Variants in NNMT observed in about 807,000 individuals in gnomAD.
NNMT encodes nicotinamide N-methyltransferase.
Under a neutral mutation model 11.7 loss-of-function variants are expected in NNMT, and 10 were observed. The ratio of observed to expected loss-of-function variants is 0.85; its 90% confidence interval spans 0.53 to 1.45. NNMT has a LOEUF of 1.45. Ranked by LOEUF, NNMT falls within the 40% of genes most tolerant of loss-of-function variation. The pLI, the probability that NNMT is intolerant of heterozygous loss-of-function variation, is 0.00. For missense variants in NNMT, 381 were observed against 319.4 expected (o/e 1.19, Z -1.47); for synonymous variants, 143 against 133.8 (o/e 1.07, Z -0.48).
chr11:114,294,856 C>T (rs1945360948), upstream of NNMT, among the ~76,000 whole-genome samples: 1 of 152,130 alleles, frequency 6.6e-6, no homozygotes, highest in South Asian at 2.1e-4. Context: ...CACAATGTTA[C>T]TGACCATGGG....
intron 2 of NNMT, among the ~76,000 whole-genome samples, chr11:114,271,277 C>A (rs1945167693): frequency 6.6e-6 from 1 of 152,078 alleles, no homozygotes; most frequent in Non-Finnish European, 1.5e-5. Flanking sequence ...GATGTTGCAA[C>A]CTTTTAAAAT....
chr11:114,263,371 C>A (rs763563300), intron 2 of NNMT, among the ~76,000 whole-genome samples: 5 of 152,140 alleles, frequency 3.3e-5, no homozygotes, highest in African/African-American at 9.7e-5. Flanking sequence ...TGATTATAAC[C>A]TTTACCTTCC....
At chr11:114,306,424 A>G (rs890032453) in intron 2 of NNMT, among the ~76,000 whole-genome samples, 1 of 152,204 alleles carries the variant, frequency 6.6e-6, no homozygotes, top group Non-Finnish European at 1.5e-5. Flanking sequence ...GTCCTTGCCC[A>G]TGCCTATGGC....
intron 2 of NNMT, among the ~76,000 whole-genome samples, chr11:114,284,702 T>TCC (rs1443144692): frequency 2.0e-5 from 3 of 151,410 alleles, no homozygotes; most frequent in Admixed American, 6.6e-5. Context: ...GACCTTGTGA[T>TCC]ATGCCCACCT....
In NNMT at chr11:114,298,148, G is replaced by A. The variant is rs771984335; in HGVS notation, c.352G>A (p.Glu118Lys). The change falls in exon 2 of 3, where the codon GAA (glutamate) becomes AAA (lysine). Residue 118 changes from glutamate (E) to lysine (K), a missense_variant. By Grantham distance (56) the Glu-to-Lys change is moderately conservative (BLOSUM62 1). Coordinates refer to ENST00000299964, the MANE Select transcript of NNMT (RefSeq NM_006169.3). ...AGTGGTGACCTATGTGTGTGATCTT[G>A]AAGGGAACAGGTAGAGAAACTGGTG... The part of the protein sequence containing the change: ...SPVVTYVCDL[E>K]GNRVKGPEKE... 3 of 1,614,152 alleles carry A rather than the reference G, an allele frequency of 1.9e-6. No individual in the cohort carries two copies. The Admixed American group carries it at 5.0e-5, about 27-fold the overall frequency.
chr11:114,306,177 C>A, intron 2 of NNMT, among the ~76,000 whole-genome samples: 1 of 152,136 alleles, frequency 6.6e-6, no homozygotes, highest in Non-Finnish European at 1.5e-5. Flanking sequence ...ATATCCTTTG[C>A]CCACTTTTTG....
At chr11:114,278,973 C>T (rs1428648848) in intron 2 of NNMT, among the ~76,000 whole-genome samples, 2 of 152,186 alleles carry the variant, frequency 1.3e-5, no homozygotes, top group Non-Finnish European at 2.9e-5. Context: ...ACTGGGTTGC[C>T]TGGTGCTCCC....
chr11:114,278,402 A>G (rs1945231604), intron 2 of NNMT, among the ~76,000 whole-genome samples: 1 of 152,218 alleles, frequency 6.6e-6, no homozygotes, highest in African/African-American at 2.4e-5. Flanking sequence ...TTACATTTCA[A>G]CATGAGATTT....
chr11:114,309,553 C>T (rs1229778053), intron 2 of NNMT, among the ~76,000 whole-genome samples: 3 of 150,842 alleles, frequency 2.0e-5, no homozygotes, highest in African/African-American at 4.9e-5. Flanking sequence ...GTAGGAATTC[C>T]CCCAAATCAA....
chr11:114,272,199 G>A (rs1339588437), intron 2 of NNMT, among the ~76,000 whole-genome samples: 1 of 152,142 alleles, frequency 6.6e-6, no homozygotes, highest in Non-Finnish European at 1.5e-5. Context: ...CACAGCACCT[G>A]ACATCTTTTG....
upstream of NNMT, among the ~76,000 whole-genome samples, chr11:114,294,477 CA>C (rs60331768): frequency 2.8e-4 from 34 of 123,390 alleles, no homozygotes; most frequent in Admixed American, 4.3e-4. Context: ...GACTCCACAT[CA>C]AAAAAAAAAA....
upstream of NNMT, among the ~76,000 whole-genome samples, chr11:114,293,136 C>T (rs986517631): frequency 2.0e-5 from 3 of 152,192 alleles, no homozygotes; most frequent in Admixed American, 6.5e-5. Context: ...TGCTCCATTA[C>T]TAGGGCAGTC....
At chr11:114,285,837 C>T (rs1177650893) in intron 2 of NNMT, among the ~76,000 whole-genome samples, 1 of 152,120 alleles carries the variant, frequency 6.6e-6, no homozygotes, top group Non-Finnish European at 1.5e-5. Flanking sequence ...CTGTGGCGTA[C>T]CCAGGGGTAC....
At chr11:114,264,194 CA>C (rs1334089405) in intron 2 of NNMT, among the ~76,000 whole-genome samples, 1 of 151,970 alleles carries the variant, frequency 6.6e-6, no homozygotes, top group Non-Finnish European at 1.5e-5. Context: ...GAACACCTCC[CA>C]TTTTAGCAAA....
chr11:114,277,304 A>G (rs910788426), intron 2 of NNMT, among the ~76,000 whole-genome samples: 1 of 152,208 alleles, frequency 6.6e-6, no homozygotes, highest in Non-Finnish European at 1.5e-5. Context: ...GGTTATCGTA[A>G]GACCCCAAAG....
upstream of NNMT, among the ~76,000 whole-genome samples, chr11:114,291,492 T>C (rs1180010825): frequency 6.6e-6 from 1 of 152,182 alleles, no homozygotes; most frequent in African/African-American, 2.4e-5. Context: ...TACCATGTCC[T>C]GTTTTTTTGT....
At chr11:114,310,747 C>G (rs953443735) in intron 2 of NNMT, among the ~76,000 whole-genome samples, 3 of 152,226 alleles carry the variant, frequency 2.0e-5, no homozygotes, top group Non-Finnish European at 2.9e-5. Context: ...GTGCAATACC[C>G]AGGGGTCACT....
chr11:114,265,006 A>G (rs914547722), intron 2 of NNMT, among the ~76,000 whole-genome samples: 11 of 152,042 alleles, frequency 7.2e-5, no homozygotes, highest in Non-Finnish European at 1.6e-4. Flanking sequence ...TGATTAAGTT[A>G]CTGGCCATTG....
chr11:114,308,686 T>C (rs73566536), intron 2 of NNMT, among the ~76,000 whole-genome samples: 4,090 of 152,216 alleles, frequency 0.027, 195 homozygotes, highest in African/African-American at 0.092. Flanking sequence ...TCCCGGTGTG[T>C]GTTTATTACC....
Sources: gnomAD v4.1 joint callset for allele counts (sites outside exome capture counted in the v4.1 genomes callset) on GRCh38, gnomAD v4.1.1 for gene constraint, MANE v1.5 for transcripts, NCBI Gene and HGNC (gene_info 2026-07-23, HGNC 2026-07-21) for gene names.